GPC3: variants seen among roughly 807,000 people sequenced by gnomAD.
GPC3 encodes glypican 3.
In GPC3, 3 loss-of-function variants were observed where a neutral mutation model predicts 34.4. The observed-to-expected ratio is 0.09, with a 90% CI of 0.04 to 0.23. The LOEUF is 0.23. Among genes scored for constraint, GPC3 ranks in the 10% least tolerant of loss-of-function variants. The probability of loss-of-function intolerance (pLI) is 1.00; values close to 1 mark genes in which losing one functional copy is unlikely to be tolerated. For missense variants in GPC3, 351 were observed against 445.6 expected, an observed-to-expected ratio of 0.79 and a Z score of 1.91; for synonymous variants, 177 against 174.0, an observed-to-expected ratio of 1.02 and a Z score of -0.13.
chrX:133,594,992 G>C (rs929030354), intron 7 of GPC3, among the ~76,000 whole-genome samples: 2 of 110,993 alleles, frequency 1.8e-5, no homozygotes, highest in Admixed American at 9.6e-5. Flanking sequence ...CCAAGAGTTT[G>C]AGGCTGCAGT....
intron 2 of GPC3, among the ~76,000 whole-genome samples, chrX:133,878,612 T>C (rs2076027765): frequency 8.9e-6 from 1 of 111,921 alleles, no homozygotes; most frequent in Non-Finnish European, 1.9e-5. Context: ...GCTTCTGCTG[T>C]TTTTGTCTTT....
At chrX:133,947,997 GA>G (rs1426688341) in intron 2 of GPC3, among the ~76,000 whole-genome samples, 2 of 111,035 alleles carry the variant, frequency 1.8e-5, no homozygotes, top group Non-Finnish European at 3.8e-5. Context: ...TAGAGTTGGG[GA>G]TGCAATGGGG....
chrX:133,569,112 G>A (rs376249631), intron 7 of GPC3, among the ~76,000 whole-genome samples: 2 of 111,532 alleles, frequency 1.8e-5, no homozygotes, highest in Non-Finnish European at 3.8e-5. Context: ...AGGCTGCAGC[G>A]AACCATGATC....
intron 7 of GPC3, among the ~76,000 whole-genome samples, chrX:133,561,876 T>G (rs977794237): frequency 2.2e-4 from 25 of 112,553 alleles, no homozygotes; most frequent in African/African-American, 8.0e-4. Flanking sequence ...GAACACCTGA[T>G]AATTTACCCA....
intron 2 of GPC3, among the ~76,000 whole-genome samples, chrX:133,903,234 T>G (rs1371265725): frequency 9.0e-6 from 1 of 111,647 alleles, no homozygotes; most frequent in Non-Finnish European, 1.9e-5. Flanking sequence ...ACATTTAGAC[T>G]GTTTTCCAAT....
intron 6 of GPC3, among the ~76,000 whole-genome samples, chrX:133,617,400 G>C (rs766980192): frequency 8.9e-6 from 1 of 112,614 alleles, no homozygotes; most frequent in East Asian, 2.8e-4. Flanking sequence ...TTTAATGGCT[G>C]TGTGCCCTTG....
intron 2 of GPC3, among the ~76,000 whole-genome samples, chrX:133,781,274 T>A (rs776873887): frequency 8.9e-6 from 1 of 111,980 alleles, no homozygotes; most frequent in South Asian, 3.8e-4. Context: ...GTCTGCCTCA[T>A]CCACAAAAAT....
chrX:133,585,573 CA>C (rs977638717), intron 7 of GPC3, among the ~76,000 whole-genome samples: 4 of 111,783 alleles, frequency 3.6e-5, no homozygotes, highest in African/African-American at 1.3e-4. Flanking sequence ...TTTCTTCTTG[CA>C]GGGGAGCACT....
At chrX:133,926,087 G>A (rs1187147074) in intron 2 of GPC3, among the ~76,000 whole-genome samples, 1 of 111,509 alleles carries the variant, frequency 9.0e-6, no homozygotes, top group Non-Finnish European at 1.9e-5. Context: ...GCATTTGATG[G>A]TGTTTCTAAA....
chrX:133,678,166 G>T (rs1037808305), intron 5 of GPC3, among the ~76,000 whole-genome samples: 1 of 111,899 alleles, frequency 8.9e-6, no homozygotes, highest in Non-Finnish European at 1.9e-5. Flanking sequence ...AAAGGCTGTT[G>T]TTGAGAATTA....
intron 2 of GPC3, among the ~76,000 whole-genome samples, chrX:133,760,500 T>C (rs144092795): frequency 8.9e-6 from 1 of 111,823 alleles, no homozygotes; most frequent in African/African-American, 3.2e-5. Flanking sequence ...TAAATGTCTA[T>C]TGCTAAGTGA....
At chrX:133,621,118 T>A (rs891843207) in intron 6 of GPC3, among the ~76,000 whole-genome samples, 2 of 99,441 alleles carry the variant, frequency 2.0e-5, no homozygotes, top group Non-Finnish European at 3.8e-5. Context: ...ACTAGTTCTG[T>A]ATGATAAGGG....
intron 2 of GPC3, among the ~76,000 whole-genome samples, chrX:133,927,873 T>G (rs1020025723): frequency 4.0e-4 from 43 of 106,989 alleles, no homozygotes; most frequent in Non-Finnish European, 7.7e-4. Context: ...TACATATATA[T>G]ATATTATATA....
intron 7 of GPC3, among the ~76,000 whole-genome samples, chrX:133,582,527 C>T (rs200267105): frequency 1.8e-5 from 2 of 112,476 alleles, no homozygotes; most frequent in East Asian, 5.6e-4. Flanking sequence ...AAGATAAGTA[C>T]AGACATTGAA....
At chrX:133,546,429 T>C (rs1370019195) in intron 7 of GPC3, among the ~76,000 whole-genome samples, 3 of 109,264 alleles carry the variant, frequency 2.7e-5, no homozygotes, top group South Asian at 3.9e-4. Context: ...AAAACCATTA[T>C]AGTAAGTGAA....
intron 2 of GPC3, among the ~76,000 whole-genome samples, chrX:133,906,562 C>G (rs2076168461): frequency 8.9e-6 from 1 of 111,740 alleles, no homozygotes; most frequent in Non-Finnish European, 1.9e-5. Flanking sequence ...TCCATTAAAA[C>G]AGATTTGATG....
At chrX:133,814,819 C>T (rs763658408) in intron 2 of GPC3, among the ~76,000 whole-genome samples, 24 of 111,306 alleles carry the variant, frequency 2.2e-4, no homozygotes, top group African/African-American at 5.9e-4. Flanking sequence ...CCACCTGCCT[C>T]GGCCTCCCAA....
chrX:133,617,165 A>T (rs1309503607), intron 6 of GPC3, among the ~76,000 whole-genome samples: 2 of 112,256 alleles, frequency 1.8e-5, no homozygotes, highest in African/African-American at 6.5e-5. Context: ...AGATATTCCC[A>T]GAAGACAATT....
chrX:133,584,151 T>A (rs113155396), intron 7 of GPC3, among the ~76,000 whole-genome samples: 5 of 112,223 alleles, frequency 4.5e-5, no homozygotes, highest in African/African-American at 1.6e-4. Context: ...TAAGATGCAA[T>A]GAAGGTGAAG....
Sources: gnomAD v4.1 joint callset for allele counts (sites outside exome capture counted in the v4.1 genomes callset) on GRCh38, gnomAD v4.1.1 for gene constraint, MANE v1.5 for transcripts, NCBI Gene and HGNC (gene_info 2026-07-23, HGNC 2026-07-21) for gene names.